Variants in SUGCT observed in about 807,000 individuals in gnomAD.
SUGCT encodes succinyl-CoA:glutarate-CoA transferase.
In SUGCT, 41 loss-of-function variants were observed where a neutral mutation model predicts 55.0. The observed-to-expected ratio is 0.74, with a 90% CI of 0.58 to 0.97. SUGCT has a LOEUF of 0.97. SUGCT is among the 50% of genes least tolerant of loss of function. SUGCT has a pLI of 0.00. For synonymous variants in SUGCT, 187 were observed against 200.4 expected, an observed-to-expected ratio of 0.93 and a Z score of 0.56; for missense variants, 568 against 547.8, an observed-to-expected ratio of 1.04 and a Z score of -0.37.
At chr7:40,758,946 C>T (rs545234457) in intron 13 of SUGCT, among the ~76,000 whole-genome samples, 5 of 151,864 alleles carry the variant, frequency 3.3e-5, no homozygotes, top group East Asian at 1.9e-4. Context: ...TTCAAGAAGC[C>T]GTAAGCATTT....
At chr7:40,328,660 A>G (rs578256643) in intron 9 of SUGCT, among the ~76,000 whole-genome samples, 1 of 152,076 alleles carries the variant, frequency 6.6e-6, no homozygotes, top group Non-Finnish European at 1.5e-5. Context: ...CTTGTCCTAG[A>G]TCGATCATCT....
At chr7:40,853,204 T>C (rs955748820) in intron 13 of SUGCT, among the ~76,000 whole-genome samples, 2 of 152,146 alleles carry the variant, frequency 1.3e-5, no homozygotes, top group Non-Finnish European at 2.9e-5. Context: ...CAAAATTATA[T>C]GTAGAATAAA....
intron 12 of SUGCT, among the ~76,000 whole-genome samples, chr7:40,617,468 G>A (rs1479681839): frequency 1.4e-5 from 2 of 140,516 alleles, no homozygotes; most frequent in African/African-American, 5.7e-5. Context: ...CAACTGGTTA[G>A]ATTTATATGT....
intron 6 of SUGCT, among the ~76,000 whole-genome samples, chr7:40,200,207 A>T (rs1050046497): frequency 2.0e-5 from 3 of 152,104 alleles, no homozygotes; most frequent in Non-Finnish European, 4.4e-5. Flanking sequence ...TCTTCTGTAT[A>T]TTCCTGGCTG....
chr7:40,150,072 A>C (rs1788474751), intron 1 of SUGCT, among the ~76,000 whole-genome samples: 1 of 152,146 alleles, frequency 6.6e-6, no homozygotes, highest in Non-Finnish European at 1.5e-5. Flanking sequence ...CAACCTGGGA[A>C]CAGAGTGAGA....
intron 9 of SUGCT, among the ~76,000 whole-genome samples, chr7:40,449,042 T>G (rs1405242323): frequency 2.0e-5 from 3 of 151,956 alleles, no homozygotes; most frequent in African/African-American, 7.2e-5. Context: ...CTGTGCTGGC[T>G]AATACAATAG....
At position 40,158,078 on chromosome 7, in the gene SUGCT, G is replaced by A. The variant is rs1263324449; in HGVS notation, c.101-22869G>A. Reference sequence around the variant, plus strand: ...AAAAATTAGCCAGGTATGGTTGTGCGTGTCTGTAATCCCAGCTACTCAGGA... The same window carrying A: ...AAAAATTAGCCAGGTATGGTTGTGCATGTCTGTAATCCCAGCTACTCAGGA... On this transcript the variant is annotated intron_variant, in intron 1 of 13. Coordinates refer to ENST00000335693, the MANE Select transcript of SUGCT (RefSeq NM_001193313.2). Among the ~76,000 whole-genome samples, 11 of 152,084 alleles carry A rather than the reference G, an allele frequency of 7.2e-5. No individual in the cohort carries two copies. In the South Asian group the frequency reaches 1.5e-3, roughly 20 times the overall value.
At chr7:40,833,976 T>G (rs1792829357) in intron 13 of SUGCT, among the ~76,000 whole-genome samples, 1 of 152,158 alleles carries the variant, frequency 6.6e-6, no homozygotes, top group South Asian at 2.1e-4. Flanking sequence ...AATGCTAGAG[T>G]TGCCCACTGT....
At chr7:40,172,455 T>C (rs569729384) in intron 1 of SUGCT, among the ~76,000 whole-genome samples, 1 of 152,242 alleles carries the variant, frequency 6.6e-6, no homozygotes, top group South Asian at 2.1e-4. Context: ...CTTAGATCCC[T>C]TTGGAGATAC....
chr7:40,516,213 T>C (rs1186218389), intron 12 of SUGCT, among the ~76,000 whole-genome samples: 2 of 152,204 alleles, frequency 1.3e-5, no homozygotes, highest in Non-Finnish European at 2.9e-5. Context: ...TATTTGTCTA[T>C]TATTATTGAG....
In SUGCT at chr7:40,486,225, G is replaced by A. The variant is rs550743832; in HGVS notation, c.987-10059G>A. Among the ~76,000 whole-genome samples the A allele has an allele frequency of 7.9e-5, 12 of 152,186 alleles. No individual in the cohort carries two copies. The East Asian group carries it at 1.9e-3, about 24-fold the overall frequency. On this transcript the variant is annotated intron_variant, in intron 11 of 13. Coordinates refer to ENST00000335693, the MANE Select transcript of SUGCT (RefSeq NM_001193313.2). Reference sequence around the variant, plus strand: ...TGGTAGGTTGAGTATATTTAGGAATGTATCTGTTTCTTCTAGGTTATCCAA... The same window carrying A: ...TGGTAGGTTGAGTATATTTAGGAATATATCTGTTTCTTCTAGGTTATCCAA...
intron 1 of SUGCT, among the ~76,000 whole-genome samples, chr7:40,147,028 C>A: frequency 6.7e-6 from 1 of 148,396 alleles, no homozygotes. Flanking sequence ...CTTCCTCTTT[C>A]TCTCTGCCTC....
At chr7:40,145,837 G>T (rs1353922567) in intron 1 of SUGCT, among the ~76,000 whole-genome samples, 1 of 152,126 alleles carries the variant, frequency 6.6e-6, no homozygotes, top group Non-Finnish European at 1.5e-5. Flanking sequence ...TTCCTAACTC[G>T]CTTCTGTTAG....
chr7:40,223,829 G>T (rs1407286653), intron 6 of SUGCT, among the ~76,000 whole-genome samples: 1 of 152,188 alleles, frequency 6.6e-6, no homozygotes, highest in Non-Finnish European at 1.5e-5. Context: ...GATGAAACAA[G>T]GCTAAAAGGT....
chr7:40,862,107 C>G (rs1794498637), downstream of SUGCT, among the ~76,000 whole-genome samples: 1 of 152,190 alleles, frequency 6.6e-6, no homozygotes, highest in African/African-American at 2.4e-5. Context: ...TGCAAATTTA[C>G]TCACTTACTG....
intron 12 of SUGCT, among the ~76,000 whole-genome samples, chr7:40,671,171 C>G (rs1052648202): frequency 1.3e-5 from 2 of 152,180 alleles, no homozygotes; most frequent in African/African-American, 4.8e-5. Context: ...AGAATTGGCA[C>G]TTTTCATCTG....
At chr7:40,963,892 T>G in the SUGCT span, among the ~76,000 whole-genome samples, 3 of 152,166 alleles carry the variant, frequency 2.0e-5, no homozygotes, top group Admixed American at 6.5e-5. Flanking sequence ...TAGACTGCAT[T>G]TATGTGAGGC....
At chr7:40,383,534 G>A (rs1232344174) in intron 9 of SUGCT, among the ~76,000 whole-genome samples, 2 of 152,114 alleles carry the variant, frequency 1.3e-5, no homozygotes, top group South Asian at 2.1e-4. Context: ...AAGATGAGGA[G>A]GTAAATGATA....
intron 1 of SUGCT, among the ~76,000 whole-genome samples, chr7:40,142,121 T>C (rs967392160): frequency 3.9e-5 from 6 of 151,944 alleles, no homozygotes; most frequent in Admixed American, 3.3e-4. Flanking sequence ...GTGGAATAGG[T>C]AACTGGAATT....
Sources: gnomAD v4.1 joint callset for allele counts (sites outside exome capture counted in the v4.1 genomes callset) on GRCh38, gnomAD v4.1.1 for gene constraint, MANE v1.5 for transcripts, NCBI Gene and HGNC (gene_info 2026-07-23, HGNC 2026-07-21) for gene names.